The following SNTG1 variants were observed in gnomAD, a reference collection of about 807,000 sequenced individuals.
The protein encoded by SNTG1 is gamma-1-syntrophin.
A neutral mutation model predicts 74.7 loss-of-function variants in SNTG1; 39 were observed. That is an observed-to-expected ratio of 0.52 (90% CI 0.40 to 0.68). The LOEUF (loss-of-function observed/expected upper bound fraction) is 0.68, where lower values mean the gene tolerates loss of function less well. Ranked by LOEUF, SNTG1 falls within the 30% of genes least tolerant of loss-of-function variation. The pLI, the probability that SNTG1 is intolerant of heterozygous loss-of-function variation, is 0.00. For synonymous variants in SNTG1, 254 were observed against 217.1 expected, an observed-to-expected ratio of 1.17 and a Z score of -1.49; for missense variants, 685 against 609.5, an observed-to-expected ratio of 1.12 and a Z score of -1.30.
chr8:50,795,545 G>A lies in SNTG1; in HGVS notation c.*2716G>A, dbSNP rs923171453. 1 of 151,954 alleles carries A rather than the reference G, an allele frequency of 6.6e-6. No homozygotes were observed. Among genetic ancestry groups the A allele is most frequent in the Admixed American group, 6.6e-5 (1 of 15,208 alleles). The allele number at this position is 151,954 out of a possible 1,614,324, so 9.4% of individuals were successfully genotyped here. A position where few individuals can be genotyped will look rare whatever the true frequency, so the allele number is the denominator to read the frequency against. On this transcript the variant is annotated 3_prime_UTR_variant, in exon 19 of 19. Coordinates refer to ENST00000642720, the MANE Select transcript of SNTG1 (RefSeq NM_018967.5). Reference sequence around the variant, plus strand: ...ACCCCTCCAGTGCCTTGGTATGTGTGAGCGTGTATGTGTGTTTGGGTGTGT... The same window carrying A: ...ACCCCTCCAGTGCCTTGGTATGTGTAAGCGTGTATGTGTGTTTGGGTGTGT...
At chr8:50,582,428 T>G (rs2130826029) in intron 12 of SNTG1, among the ~76,000 whole-genome samples, 1 of 152,242 alleles carries the variant, frequency 6.6e-6, no homozygotes, top group Admixed American at 6.5e-5. Flanking sequence ...AATAAGCAGT[T>G]ATTAGATACT....
intron 1 of SNTG1, among the ~76,000 whole-genome samples, chr8:50,005,102 T>A (rs1815090937): frequency 6.6e-6 from 1 of 152,076 alleles, no homozygotes; most frequent in Non-Finnish European, 1.5e-5. Flanking sequence ...CTAATATTTA[T>A]AAAAAGATAC....
At chr8:50,289,174 C>T (rs943703736) in intron 2 of SNTG1, among the ~76,000 whole-genome samples, 2 of 151,954 alleles carry the variant, frequency 1.3e-5, no homozygotes, top group African/African-American at 4.8e-5. Context: ...TATTTCAATC[C>T]TTGGTTGTAT....
chr8:50,146,874 CTTG>C (rs1479490574), intron 1 of SNTG1, among the ~76,000 whole-genome samples: 6 of 149,708 alleles, frequency 4.0e-5, no homozygotes, highest in Non-Finnish European at 8.9e-5. Flanking sequence ...CTTTTTTTTT[CTTG>C]TTGAGTTTTA....
At chr8:50,781,842 C>G (rs1295989017) in intron 18 of SNTG1, among the ~76,000 whole-genome samples, 1 of 152,128 alleles carries the variant, frequency 6.6e-6, no homozygotes, top group African/African-American at 2.4e-5. Flanking sequence ...GTGGCTGGTA[C>G]CGTTTTTTCC....
intron 1 of SNTG1, among the ~76,000 whole-genome samples, chr8:49,945,492 C>G (rs1331733341): frequency 6.6e-6 from 1 of 152,120 alleles, no homozygotes; most frequent in Non-Finnish European, 1.5e-5. Flanking sequence ...AGCAGTTGCC[C>G]CAGTAATGCT....
intron 1 of SNTG1, among the ~76,000 whole-genome samples, chr8:50,039,097 C>T (rs993130453): frequency 6.6e-6 from 1 of 152,090 alleles, no homozygotes; most frequent in African/African-American, 2.4e-5. Context: ...ATAGTAGGTC[C>T]TTGCATTTAT....
intron 1 of SNTG1, among the ~76,000 whole-genome samples, chr8:49,964,398 G>T (rs1810962473): frequency 6.6e-6 from 1 of 152,210 alleles, no homozygotes; most frequent in Non-Finnish European, 1.5e-5. Flanking sequence ...GATCACATGA[G>T]CCAATACCTT....
chr8:50,108,390 ATAATT>A (rs1169363731), intron 1 of SNTG1, among the ~76,000 whole-genome samples: 7 of 152,170 alleles, frequency 4.6e-5, no homozygotes, highest in Admixed American at 1.3e-4. Context: ...TGTTGTAAGA[ATAATT>A]TATATTTGCC....
chr8:50,006,483 T>C (rs1007214222), intron 1 of SNTG1, among the ~76,000 whole-genome samples: 2 of 152,206 alleles, frequency 1.3e-5, no homozygotes, highest in African/African-American at 4.8e-5. Flanking sequence ...AACACATACT[T>C]TTTAATTGTG....
At chr8:50,455,055 A>G (rs2093492580) in intron 8 of SNTG1, among the ~76,000 whole-genome samples, 1 of 152,168 alleles carries the variant, frequency 6.6e-6, no homozygotes, top group African/African-American at 2.4e-5. Context: ...TATGAAAACA[A>G]TGTTTATTTA....
chr8:50,775,930 C>G (rs1419078790), intron 18 of SNTG1, among the ~76,000 whole-genome samples: 3 of 143,530 alleles, frequency 2.1e-5, no homozygotes, highest in Non-Finnish European at 4.5e-5. Context: ...AATATAGCCA[C>G]TAGTCACTTT....
At position 49,937,287 on chromosome 8, in the gene SNTG1, G is replaced by A. The variant is rs554632354; in HGVS notation, c.-103+25056G>A. ...AAAATACAAGCTAAACTATAGTGGAGTGGATCAGGAGCTGCCTGGGACAGG... is the reference window on the plus strand; with the variant it reads ...AAAATACAAGCTAAACTATAGTGGAATGGATCAGGAGCTGCCTGGGACAGG... On this transcript the variant is annotated intron_variant, in intron 1 of 18. Transcript: ENST00000642720. Among the ~76,000 whole-genome samples the A allele has an allele frequency of 2.8e-4, 43 of 152,294 alleles. 1 individual carries two copies. The highest frequency in any genetic ancestry group is 4.7e-4 in the Non-Finnish European group (32 of 68,016).
intron 8 of SNTG1, among the ~76,000 whole-genome samples, chr8:50,464,573 G>C (rs1017877215): frequency 6.6e-6 from 1 of 152,008 alleles, no homozygotes; most frequent in African/African-American, 2.4e-5. Context: ...CCTTATACAG[G>C]TGTGATTTGT....
chr8:50,222,830 A>G (rs2085138398), intron 2 of SNTG1, among the ~76,000 whole-genome samples: 1 of 152,184 alleles, frequency 6.6e-6, no homozygotes, highest in Non-Finnish European at 1.5e-5. Context: ...ACAGAAGCAA[A>G]TGTAGATGCT....
chr8:50,008,499 A>C (rs532574096), intron 1 of SNTG1, among the ~76,000 whole-genome samples: 2 of 152,256 alleles, frequency 1.3e-5, no homozygotes, highest in East Asian at 1.9e-4. Flanking sequence ...GATTTTTTTA[A>C]TCATTAGGAA....
intron 12 of SNTG1, among the ~76,000 whole-genome samples, chr8:50,558,426 A>G (rs1332692792): frequency 2.6e-5 from 4 of 152,246 alleles, no homozygotes; most frequent in Non-Finnish European, 4.4e-5. Flanking sequence ...CCTCAAGTCC[A>G]TGCTGGGAGA....
chr8:50,459,158 C>T (rs1209376172), intron 8 of SNTG1, among the ~76,000 whole-genome samples: 2 of 152,138 alleles, frequency 1.3e-5, no homozygotes, highest in East Asian at 1.9e-4. Context: ...TGCCTTGACA[C>T]TTCTGTTGAA....
chr8:50,334,872 T>A (rs939708138), intron 2 of SNTG1, among the ~76,000 whole-genome samples: 1 of 152,200 alleles, frequency 6.6e-6, no homozygotes, highest in Non-Finnish European at 1.5e-5. Context: ...GCTCACTCAA[T>A]GCACCTCTTC....
Sources: allele counts gnomAD v4.1 joint callset (sites outside exome capture counted in the v4.1 genomes callset), GRCh38; gene constraint gnomAD v4.1.1; transcripts MANE v1.5; gene names NCBI Gene and HGNC (gene_info 2026-07-23, HGNC 2026-07-21).